The following CSMD1 variants were observed in gnomAD, a reference collection of about 807,000 sequenced individuals.
CSMD1 encodes CUB and sushi domain-containing protein 1.
Under a neutral mutation model 417.5 loss-of-function variants are expected in CSMD1, and 213 were observed. That is an observed-to-expected ratio of 0.51 (90% CI 0.46 to 0.57). The LOEUF (loss-of-function observed/expected upper bound fraction) is 0.57. Ranked by LOEUF, CSMD1 falls within the 20% of genes least tolerant of loss-of-function variation. CSMD1 has a pLI of 0.00. For synonymous variants in CSMD1, 2,862 were observed against 1,736.8 expected, an observed-to-expected ratio of 1.65 and a Z score of -16.11; for missense variants, 6,923 against 4,529.7, an observed-to-expected ratio of 1.53 and a Z score of -15.17.
chr8:4,893,015 G>C (rs1337573367), intron 1 of CSMD1, among the ~76,000 whole-genome samples: 2 of 152,240 alleles, frequency 1.3e-5, no homozygotes, highest in East Asian at 1.9e-4. Context: ...ATCTGTGTTT[G>C]TAATTTGCAT....
At chr8:2,950,205 G>T in intron 67 of CSMD1, 26 bp downstream of exon 67, 2 of 1,408,374 alleles carry the variant, frequency 1.4e-6, no homozygotes, top group Non-Finnish European at 1.0e-6. Flanking sequence ...CCTGTGCTTT[G>T]TCACAGACCT....
At chr8:3,824,175 G>C (rs949305683) in intron 5 of CSMD1, among the ~76,000 whole-genome samples, 8 of 151,850 alleles carry the variant, frequency 5.3e-5, no homozygotes, top group African/African-American at 1.2e-4. Flanking sequence ...AATATCTATA[G>C]CTTTGGAGAT....
chr8:3,643,424 C>T (rs1797406293), intron 7 of CSMD1, among the ~76,000 whole-genome samples: 2 of 151,846 alleles, frequency 1.3e-5, no homozygotes, highest in Admixed American at 6.6e-5. Flanking sequence ...TCCTCTGGGC[C>T]GGACGCCGTG....
At chr8:3,570,647 C>G (rs1799906038) in intron 10 of CSMD1, among the ~76,000 whole-genome samples, 1 of 152,112 alleles carries the variant, frequency 6.6e-6, no homozygotes, top group South Asian at 2.1e-4. Context: ...TGACTCTGCC[C>G]CTTTGTTATC....
intron 1 of CSMD1, among the ~76,000 whole-genome samples, chr8:4,947,764 T>C (rs1455824566): frequency 6.6e-6 from 1 of 152,130 alleles, no homozygotes; most frequent in Admixed American, 6.5e-5. Context: ...ACTAGTGTCC[T>C]ACTTGAATTT....
At chr8:4,614,982 C>A (rs528305592) in intron 2 of CSMD1, among the ~76,000 whole-genome samples, 1 of 152,040 alleles carries the variant, frequency 6.6e-6, no homozygotes, top group Admixed American at 6.6e-5. Context: ...ATTTGTAGTA[C>A]AAAGTAATTT....
intron 7 of CSMD1, among the ~76,000 whole-genome samples, chr8:3,639,532 G>A (rs964114142): frequency 1.3e-5 from 2 of 152,096 alleles, no homozygotes; most frequent in Non-Finnish European, 1.5e-5. Flanking sequence ...AACATAATAG[G>A]ATGGATCAGA....
At chr8:4,359,620 A>G (rs1801635594) in intron 3 of CSMD1, among the ~76,000 whole-genome samples, 2 of 152,332 alleles carry the variant, frequency 1.3e-5, no homozygotes, top group African/African-American at 4.8e-5. Context: ...AGAGTCAATG[A>G]ACCTGTGTTT....
intron 2 of CSMD1, among the ~76,000 whole-genome samples, chr8:4,620,588 G>A (rs973143900): frequency 1.3e-4 from 19 of 151,868 alleles, no homozygotes; most frequent in Admixed American, 7.2e-4. Context: ...AGAATTAAAC[G>A]AGAATCTATA....
chr8:4,680,589 G>C (rs1423426070), intron 1 of CSMD1, among the ~76,000 whole-genome samples: 1 of 151,642 alleles, frequency 6.6e-6, no homozygotes, highest in African/African-American at 2.4e-5. Flanking sequence ...TAGTTTTTGT[G>C]TTTGTTTTTG....
chr8:4,559,104 T>C (rs973301937), intron 2 of CSMD1, among the ~76,000 whole-genome samples: 1 of 152,194 alleles, frequency 6.6e-6, no homozygotes, highest in Non-Finnish European at 1.5e-5. Flanking sequence ...TGCATGTTTA[T>C]ACTTCACTGG....
chr8:3,510,043 A>G (rs886095568), intron 10 of CSMD1, among the ~76,000 whole-genome samples: 1 of 152,190 alleles, frequency 6.6e-6, no homozygotes, highest in African/African-American at 2.4e-5. Flanking sequence ...TCCCCTCTAC[A>G]TCAGTGAAAC....
At chr8:3,686,780 T>G (rs2129031021) in intron 7 of CSMD1, among the ~76,000 whole-genome samples, 1 of 152,334 alleles carries the variant, frequency 6.6e-6, no homozygotes, top group Admixed American at 6.5e-5. Context: ...TGGCTGGTTG[T>G]AACTGTTTCT....
chr8:4,429,518 C>G (rs545777322), intron 2 of CSMD1, among the ~76,000 whole-genome samples: 6 of 152,234 alleles, frequency 3.9e-5, no homozygotes, highest in African/African-American at 1.4e-4. Context: ...TTGTAGAATT[C>G]AAGTTGGATC....
At chr8:4,937,461 G>C (rs924614639) in intron 1 of CSMD1, among the ~76,000 whole-genome samples, 7 of 152,146 alleles carry the variant, frequency 4.6e-5, no homozygotes, top group East Asian at 3.9e-4. Context: ...ACTAAGGCAA[G>C]GTATTTTCTT....
chr8:4,767,956 G>C (rs923532003), intron 1 of CSMD1, among the ~76,000 whole-genome samples: 1 of 152,082 alleles, frequency 6.6e-6, no homozygotes, highest in Non-Finnish European at 1.5e-5. Context: ...TCGTACTCGA[G>C]GGCGTGGGTC....
intron 18 of CSMD1, among the ~76,000 whole-genome samples, chr8:3,384,782 ATATATATTAATATATGCTATT>A (rs1472295499): frequency 1.6e-5 from 2 of 124,132 alleles, no homozygotes; most frequent in African/African-American, 3.1e-5. Context: ...TATTTATATA[ATATATATTAATATATGCTATT>A]TATATATAAA....
intron 6 of CSMD1, among the ~76,000 whole-genome samples, chr8:3,721,881 C>T (rs1027365261): frequency 6.6e-6 from 1 of 152,058 alleles, no homozygotes; most frequent in African/African-American, 2.4e-5. Flanking sequence ...GAATGAAGTG[C>T]CCGTTAAGTA....
At chr8:4,294,300 C>G (rs1797544350) in intron 3 of CSMD1, among the ~76,000 whole-genome samples, 1 of 152,148 alleles carries the variant, frequency 6.6e-6, no homozygotes, top group Non-Finnish European at 1.5e-5. Context: ...TGCTTCATAT[C>G]CTTTTAATAA....
Sources: gnomAD v4.1 joint callset for allele counts (sites outside exome capture counted in the v4.1 genomes callset) on GRCh38, gnomAD v4.1.1 for gene constraint, MANE v1.5 for transcripts, NCBI Gene and HGNC (gene_info 2026-07-23, HGNC 2026-07-21) for gene names.